Variants in DCP1A observed in about 807,000 individuals in gnomAD.
The protein encoded by DCP1A is mRNA-decapping enzyme 1A.
Under a neutral mutation model 58.0 loss-of-function variants are expected in DCP1A, and 20 were observed. That is an observed-to-expected ratio of 0.34 (90% confidence interval 0.24 to 0.50). DCP1A has a LOEUF of 0.50. Among genes scored for constraint, DCP1A ranks in the 20% least tolerant of loss-of-function variants. The pLI is 0.98. For missense variants in DCP1A, 613 were observed against 712.2 expected, an observed-to-expected ratio of 0.86 and a Z score of 1.59; for synonymous variants, 285 against 275.1, an observed-to-expected ratio of 1.04 and a Z score of -0.36.
chr3:53,346,212 T>G (rs781835760), intron 1 of DCP1A, among the ~76,000 whole-genome samples: 44 of 152,206 alleles, frequency 2.9e-4, no homozygotes, highest in Admixed American at 1.3e-4. Flanking sequence ...ATAGCTACAT[T>G]TAAAAAACAA....
chr3:53,290,239 G>A (rs1419451712), intron 8 of DCP1A, among the ~76,000 whole-genome samples: 1 of 152,206 alleles, frequency 6.6e-6, no homozygotes, highest in Non-Finnish European at 1.5e-5. Flanking sequence ...AGAAGACACA[G>A]GCCTGGGAGG....
chr3:53,323,245 A>G (rs1165665652), intron 3 of DCP1A, among the ~76,000 whole-genome samples: 1 of 152,232 alleles, frequency 6.6e-6, no homozygotes, highest in Middle Eastern at 3.2e-3. Context: ...CATCATGGTA[A>G]GTCAACAAAT....
chr3:53,305,481 C>T (rs1351894456), intron 5 of DCP1A, among the ~76,000 whole-genome samples: 2 of 151,960 alleles, frequency 1.3e-5, no homozygotes, highest in Non-Finnish European at 2.9e-5. Flanking sequence ...TCCTGAGTAG[C>T]TGGGATTACA....
chr3:53,288,868 T>C (rs544291205), intron 8 of DCP1A, among the ~76,000 whole-genome samples: 137 of 152,014 alleles, frequency 9.0e-4, no homozygotes, highest in Non-Finnish European at 1.7e-3. Flanking sequence ...AATACAAAAA[T>C]TAGCTGGGCA....
Position 53,342,259 on chromosome 3 carries a change from A to G in DCP1A, c.189T>C (p.Pro63=). ...GATTCACAATGGTAAAACCATGGTAAGGGGAAGCTGACCTTAGATTTAATA... is the reference window on the plus strand; with the variant it reads ...GATTCACAATGGTAAAACCATGGTAGGGGGAAGCTGACCTTAGATTTAATA... ...TLFVYRRSAS[P]YHGFTIVNRL... The change falls in exon 3 of 10, where the codon CCT becomes CCC. Residue 63 remains proline, a synonymous_variant. Transcript: ENST00000610213. 1.3e-6 allele frequency: 2 copies of G among 1,599,762 alleles called. No individual in the cohort carries two copies. The highest frequency in any genetic ancestry group is 2.2e-5 in the South Asian group (2 of 89,042).
chr3:53,323,291 G>A (rs1180491813), intron 3 of DCP1A, among the ~76,000 whole-genome samples: 2 of 152,230 alleles, frequency 1.3e-5, no homozygotes, highest in East Asian at 3.8e-4. Flanking sequence ...AAGGAGCACA[G>A]AAGCAGCCTT....
chr3:53,317,783 A>G (rs1033874504), intron 4 of DCP1A, among the ~76,000 whole-genome samples: 2 of 152,158 alleles, frequency 1.3e-5, no homozygotes, highest in Non-Finnish European at 2.9e-5. Flanking sequence ...TCAAGCCAAC[A>G]TTTTTTCAAG....
chr3:53,329,196 C>G, intron 3 of DCP1A: 1 of 394,610 alleles, frequency 2.5e-6, no homozygotes, highest in Non-Finnish European at 4.5e-6. Context: ...CTCTACTGTT[C>G]TGAGACTTGC....
At chr3:53,296,485 T>C (rs948297644) in intron 6 of DCP1A, among the ~76,000 whole-genome samples, 2 of 152,186 alleles carry the variant, frequency 1.3e-5, no homozygotes, top group Non-Finnish European at 2.9e-5. Flanking sequence ...CAGGTTCCAT[T>C]TACTACACTG....
In DCP1A at chr3:53,329,435, G is replaced by A. The variant is rs571443073; in HGVS notation, c.305-9962C>T. 66 of 398,448 alleles carry A rather than the reference G, an allele frequency of 1.7e-4. 1 individual carries two copies. In the East Asian group the frequency reaches 2.4e-3, roughly 14 times the overall value. The allele number at this position is 398,448 out of a possible 1,614,324, so 24.7% of individuals were successfully genotyped here. A position where few individuals can be genotyped will look rare whatever the true frequency, so the allele number is the denominator to read the frequency against. ...AGAAACGAAGGGGTACTTCTCTCTG[G>A]CTTTTGGAGGTAAGTTCTTAAAAAT... On this transcript the variant is annotated intron_variant, in intron 3 of 9. Transcript: ENST00000610213.
At chr3:53,343,242 C>T (rs983672332) in intron 2 of DCP1A, among the ~76,000 whole-genome samples, 20 of 152,202 alleles carry the variant, frequency 1.3e-4, no homozygotes, top group Admixed American at 6.5e-5. Context: ...GATTCAGTTT[C>T]AGGTTTTTTG....
intron 2 of DCP1A, among the ~76,000 whole-genome samples, chr3:53,342,900 T>C (rs1382473123): frequency 6.6e-6 from 1 of 152,200 alleles, no homozygotes; most frequent in African/African-American, 2.4e-5. Context: ...CTGAATGAAA[T>C]ATCATTCAAT....
chr3:53,324,747 G>A (rs1471742007), intron 3 of DCP1A, among the ~76,000 whole-genome samples: 2 of 152,224 alleles, frequency 1.3e-5, no homozygotes, highest in African/African-American at 4.8e-5. Flanking sequence ...TTGGCTGGGT[G>A]TGGTGGCTCA....
chr3:53,338,575 C>T (rs2089154505), intron 3 of DCP1A, among the ~76,000 whole-genome samples: 1 of 151,286 alleles, frequency 6.6e-6, no homozygotes, highest in Non-Finnish European at 1.5e-5. Context: ...TAAAGAAAAA[C>T]TCTTGGCTGG....
intron 3 of DCP1A, among the ~76,000 whole-genome samples, chr3:53,335,708 A>G (rs1026324282): frequency 8.5e-5 from 13 of 152,266 alleles, no homozygotes; most frequent in South Asian, 2.1e-4. Context: ...CTTTTCAGCT[A>G]TTACCAATTA....
intron 2 of DCP1A, among the ~76,000 whole-genome samples, chr3:53,342,887 T>C (rs1293107064): frequency 2.6e-5 from 4 of 152,216 alleles, no homozygotes; most frequent in Non-Finnish European, 5.9e-5. Context: ...AGACACACAG[T>C]TGCTGAATGA....
chr3:53,342,727 C>CT (rs2089229161), intron 2 of DCP1A, among the ~76,000 whole-genome samples: 1 of 152,186 alleles, frequency 6.6e-6, no homozygotes, highest in Admixed American at 6.5e-5. Context: ...TTGAACTATC[C>CT]TTTTTAATGC....
At chr3:53,311,772 G>A (rs569523528) in intron 5 of DCP1A, among the ~76,000 whole-genome samples, 4 of 152,278 alleles carry the variant, frequency 2.6e-5, no homozygotes, top group African/African-American at 9.6e-5. Context: ...GAAGAGGCAC[G>A]AAGCTTTACC....
At chr3:53,315,770 T>TTTA (rs1707791323) in intron 4 of DCP1A, among the ~76,000 whole-genome samples, 1 of 144,690 alleles carries the variant, frequency 6.9e-6, no homozygotes, top group African/African-American at 2.6e-5. Context: ...TTTTTTTTTT[T>TTTA]TGAGACGGAG....
Sources: allele counts gnomAD v4.1 joint callset (sites outside exome capture counted in the v4.1 genomes callset), GRCh38; gene constraint gnomAD v4.1.1; transcripts MANE v1.5; gene names NCBI Gene and HGNC (gene_info 2026-07-23, HGNC 2026-07-21).